Variants in CSMD1 observed in about 807,000 individuals in gnomAD.
CSMD1 encodes CUB and Sushi multiple domains 1, also known as CUB and sushi domain-containing protein 1.
CSMD1 carries 213 observed loss-of-function variants against 417.5 expected under a neutral mutation model. The ratio of observed to expected loss-of-function variants is 0.51; its 90% CI spans 0.46 to 0.57. CSMD1 has a LOEUF of 0.57. Ranked by LOEUF, CSMD1 falls within the 20% of genes least tolerant of loss-of-function variation. The probability of loss-of-function intolerance (pLI) is 0.00; values close to 1 mark genes in which losing one functional copy is unlikely to be tolerated. For missense variants in CSMD1, 6,923 were observed against 4,529.7 expected, an observed-to-expected ratio of 1.53 and a Z score of -15.17; for synonymous variants, 2,862 against 1,736.8, an observed-to-expected ratio of 1.65 and a Z score of -16.11.
At chr8:3,528,611 A>G (rs1797852484) in intron 10 of CSMD1, among the ~76,000 whole-genome samples, 1 of 152,244 alleles carries the variant, frequency 6.6e-6, no homozygotes, top group Admixed American at 6.5e-5. Flanking sequence ...ATTTCAAAAT[A>G]CAAATTTATA....
At chr8:4,157,887 G>A (rs1027858969) in intron 3 of CSMD1, among the ~76,000 whole-genome samples, 1 of 152,118 alleles carries the variant, frequency 6.6e-6, no homozygotes, top group Admixed American at 6.5e-5. Flanking sequence ...CTCCCCACAG[G>A]ACAACAGGAT....
At chr8:4,102,008 G>C (rs1801329499) in intron 3 of CSMD1, among the ~76,000 whole-genome samples, 1 of 152,178 alleles carries the variant, frequency 6.6e-6, no homozygotes, top group Non-Finnish European at 1.5e-5. Flanking sequence ...GGCAATAGCT[G>C]AGGGATTACT....
At chr8:4,433,654 G>A (rs779410061) in intron 2 of CSMD1, among the ~76,000 whole-genome samples, 47 of 152,286 alleles carry the variant, frequency 3.1e-4, no homozygotes, top group Middle Eastern at 3.4e-3. Flanking sequence ...GCCCTTGTCT[G>A]AAAGAGCTAC....
chr8:3,521,758 T>A (rs563195437), intron 10 of CSMD1, among the ~76,000 whole-genome samples: 65 of 152,350 alleles, frequency 4.3e-4, no homozygotes, highest in African/African-American at 1.4e-3. Context: ...TTCTCATTTA[T>A]TGTATTCCCA....
intron 2 of CSMD1, among the ~76,000 whole-genome samples, chr8:4,439,596 A>G (rs948562110): frequency 4.6e-5 from 7 of 152,268 alleles, no homozygotes; most frequent in South Asian, 2.1e-4. Context: ...TTATTAACAT[A>G]CTTACATATT....
At chr8:3,533,522 G>A (rs912746776) in intron 10 of CSMD1, among the ~76,000 whole-genome samples, 1 of 152,084 alleles carries the variant, frequency 6.6e-6, no homozygotes, top group Non-Finnish European at 1.5e-5. Flanking sequence ...AGCATCATGT[G>A]ATTCAAAGAC....
At chr8:3,151,242 A>G in intron 40 of CSMD1, 155 bp downstream of exon 40, 1 of 542,196 alleles carries the variant, frequency 1.8e-6, no homozygotes, top group East Asian at 2.9e-5. Context: ...TCCACTCTCA[A>G]AGTTACTCTG....
chr8:4,676,795 T>C (rs1196951060), intron 1 of CSMD1, among the ~76,000 whole-genome samples: 1 of 151,872 alleles, frequency 6.6e-6, no homozygotes, highest in Non-Finnish European at 1.5e-5. Flanking sequence ...CTTCAGCGAG[T>C]TGCTCATTTT....
chr8:3,925,398 T>C (rs1038052756), intron 5 of CSMD1, among the ~76,000 whole-genome samples: 1 of 152,192 alleles, frequency 6.6e-6, no homozygotes, highest in East Asian at 1.9e-4. Flanking sequence ...TACTTTAAAA[T>C]ATAAAAGCAT....
At chr8:3,008,589 G>C (rs1808141895) in intron 52 of CSMD1, among the ~76,000 whole-genome samples, 1 of 152,006 alleles carries the variant, frequency 6.6e-6, no homozygotes, top group Non-Finnish European at 1.5e-5. Context: ...CTCAGAAACT[G>C]GCTCCTGAAC....
At chr8:4,229,227 A>G (rs985692366) in intron 3 of CSMD1, among the ~76,000 whole-genome samples, 2 of 152,110 alleles carry the variant, frequency 1.3e-5, no homozygotes, top group East Asian at 1.9e-4. Flanking sequence ...ACATTGGCCA[A>G]TTTGGCTAGT....
intron 1 of CSMD1, among the ~76,000 whole-genome samples, chr8:4,765,931 G>C (rs566968473): frequency 5.3e-5 from 8 of 152,090 alleles, no homozygotes; most frequent in Non-Finnish European, 5.9e-5. Context: ...TTGAAGAATC[G>C]AGCTTAGCTA....
intron 3 of CSMD1, among the ~76,000 whole-genome samples, chr8:4,234,314 A>C (rs1357084751): frequency 6.6e-6 from 1 of 152,180 alleles, no homozygotes; most frequent in Non-Finnish European, 1.5e-5. Context: ...TGGCGATTGC[A>C]GACACAAGTT....
rs78093087 is a variant in CSMD1 at position 3,484,972 on chromosome 8, G to A, written c.1448+8651C>T. On this transcript the variant is annotated intron_variant, in intron 11 of 69. Coordinates refer to ENST00000635120, the MANE Select transcript of CSMD1 (RefSeq NM_033225.6). ...ACCACTTAACATCATGGGCTGTGAT[G>A]TTGGAGAACCATGCTGGAAAACAGC... Among the ~76,000 whole-genome samples, 23 of 152,290 alleles carry A rather than the reference G, an allele frequency of 1.5e-4. No individual in the cohort carries two copies. In the East Asian group the frequency reaches 3.9e-3, roughly 26 times the overall value.
intron 2 of CSMD1, among the ~76,000 whole-genome samples, chr8:4,471,681 C>T (rs920712757): frequency 2.0e-5 from 3 of 151,988 alleles, no homozygotes; most frequent in Non-Finnish European, 4.4e-5. Context: ...GGAAGGCCAG[C>T]GAACGCAGAG....
chr8:4,453,474 C>G (rs1012315023), intron 2 of CSMD1, among the ~76,000 whole-genome samples: 4 of 152,196 alleles, frequency 2.6e-5, no homozygotes, highest in Non-Finnish European at 4.4e-5. Context: ...GATGCGAAGT[C>G]TGGCTGAATT....
intron 2 of CSMD1, among the ~76,000 whole-genome samples, chr8:4,629,111 A>T (rs1382258): frequency 0.085 from 12,976 of 152,250 alleles, 639 homozygotes; most frequent in Non-Finnish European, 0.11. Context: ...ATTTTCAAAC[A>T]TTATCAAAAT....
At chr8:3,427,716 A>T (rs775610992) in intron 12 of CSMD1, among the ~76,000 whole-genome samples, 2 of 152,188 alleles carry the variant, frequency 1.3e-5, no homozygotes. Context: ...AATTCCATGG[A>T]AATGTAAAAG....
At chr8:4,002,377 T>C (rs1815757569) in intron 4 of CSMD1, among the ~76,000 whole-genome samples, 1 of 152,186 alleles carries the variant, frequency 6.6e-6, no homozygotes, top group Non-Finnish European at 1.5e-5. Flanking sequence ...AGCAACATTT[T>C]AAACATAATA....
Sources: gnomAD v4.1 joint callset for allele counts (sites outside exome capture counted in the v4.1 genomes callset) on GRCh38, gnomAD v4.1.1 for gene constraint, MANE v1.5 for transcripts, NCBI Gene and HGNC (gene_info 2026-07-23, HGNC 2026-07-21) for gene names.